Variants in SNTB2 observed in about 807,000 individuals in gnomAD.
SNTB2 encodes the protein beta-2-syntrophin.
A neutral mutation model predicts 46.2 loss-of-function variants in SNTB2; 34 were observed. That is an observed-to-expected ratio of 0.74 (90% confidence interval 0.56 to 0.98). The LOEUF is 0.98. Among genes scored for constraint, SNTB2 ranks in the 50% least tolerant of loss-of-function variants. The pLI is 0.00. For synonymous variants in SNTB2, 290 were observed against 312.6 expected (o/e 0.93, Z 0.76); for missense variants, 603 against 731.4 (o/e 0.82, Z 2.02).
intron 5 of SNTB2, among the ~76,000 whole-genome samples, chr16:69,284,772 T>TCAAAAACAAACAAACAAA (rs1213280413): frequency 6.6e-6 from 1 of 151,996 alleles, no homozygotes; most frequent in Non-Finnish European, 1.5e-5. Flanking sequence ...AGACTCCGTC[T>TCAAAAACAAACAAACAAA]CAAAAACAAA....
At chr16:69,239,348 C>T (rs1269412288) in intron 1 of SNTB2, among the ~76,000 whole-genome samples, 4 of 152,112 alleles carry the variant, frequency 2.6e-5, no homozygotes, top group Non-Finnish European at 5.9e-5. Flanking sequence ...AATTATCATA[C>T]TGTACAATTG....
intron 2 of SNTB2, 151 bp from the exon 3 acceptor site, chr16:69,259,899 C>G (rs1005997613): frequency 2.9e-6 from 2 of 685,318 alleles, no homozygotes; most frequent in Non-Finnish European, 5.0e-6. Flanking sequence ...CATGAGCCAC[C>G]GTGCCCAGCC....
At chr16:69,249,597 A>G (rs1011105156) in intron 2 of SNTB2, among the ~76,000 whole-genome samples, 28 of 152,282 alleles carry the variant, frequency 1.8e-4, no homozygotes, top group African/African-American at 6.7e-4. Flanking sequence ...ACATTTCGTG[A>G]TGGTCAGATG....
At chr16:69,247,592 G>T (rs1964683095) in intron 2 of SNTB2, among the ~76,000 whole-genome samples, 1 of 152,078 alleles carries the variant, frequency 6.6e-6, no homozygotes, top group South Asian at 2.1e-4. Flanking sequence ...TGGTTTGCTG[G>T]AATGAACTGA....
At chr16:69,279,813 C>T (rs377033476) in intron 4 of SNTB2, among the ~76,000 whole-genome samples, 7 of 149,518 alleles carry the variant, frequency 4.7e-5, no homozygotes, top group East Asian at 2.0e-4. Flanking sequence ...CAGGTGTGAG[C>T]CACCACGCCT....
At chr16:69,292,354 T>TTATATATATA (rs1166147915) in intron 5 of SNTB2, among the ~76,000 whole-genome samples, 1 of 36,298 alleles carries the variant, frequency 2.8e-5, no homozygotes, top group Non-Finnish European at 4.6e-5. Flanking sequence ...ACCTTATTTT[T>TTATATATATA]TATATATATA....
chr16:69,251,022 A>G (rs1256774046), intron 2 of SNTB2, among the ~76,000 whole-genome samples: 1 of 135,710 alleles, frequency 7.4e-6, no homozygotes, highest in Non-Finnish European at 1.6e-5. Context: ...TCTGTCGCCC[A>G]GGCTGGAGTG....
chr16:69,272,450 G>T (rs1964946305), intron 4 of SNTB2, among the ~76,000 whole-genome samples: 1 of 149,106 alleles, frequency 6.7e-6, no homozygotes, highest in South Asian at 2.1e-4. Context: ...TGAGGCAGAA[G>T]AATTGCCTGG....
intron 1 of SNTB2, among the ~76,000 whole-genome samples, chr16:69,224,583 T>C (rs911704877): frequency 3.3e-5 from 5 of 152,204 alleles, no homozygotes; most frequent in Non-Finnish European, 7.3e-5. Flanking sequence ...TTTTGCCCAG[T>C]AATTTTAGCA....
intron 5 of SNTB2, among the ~76,000 whole-genome samples, chr16:69,296,137 C>A (rs956960818): frequency 2.6e-4 from 40 of 151,888 alleles, no homozygotes; most frequent in African/African-American, 9.7e-4. Flanking sequence ...AAAAATTAGC[C>A]AGGCGTGGTG....
At chr16:69,272,539 CAAAAAAAAAAA>C (rs556616496) in intron 4 of SNTB2, among the ~76,000 whole-genome samples, 1 of 58,162 alleles carries the variant, frequency 1.7e-5, no homozygotes, top group Non-Finnish European at 3.7e-5. Flanking sequence ...GACTCTGTCT[CAAAAAAAAAAA>C]AAAAAAAAGA....
chr16:69,227,092 A>G (rs1478754988), intron 1 of SNTB2, among the ~76,000 whole-genome samples: 1 of 152,236 alleles, frequency 6.6e-6, no homozygotes, highest in Non-Finnish European at 1.5e-5. Context: ...TTATTCAAAC[A>G]GTTGCAAGAA....
chr16:69,266,781 A>G (rs1313692315), intron 3 of SNTB2, among the ~76,000 whole-genome samples: 2 of 152,218 alleles, frequency 1.3e-5, no homozygotes, highest in South Asian at 2.1e-4. Context: ...CAGTAGTACA[A>G]TCTCAGCTCA....
At chr16:69,202,444 C>G (rs1353180149) in intron 1 of SNTB2, among the ~76,000 whole-genome samples, 2 of 151,972 alleles carry the variant, frequency 1.3e-5, no homozygotes, top group African/African-American at 4.8e-5. Flanking sequence ...ACTCTGTTAC[C>G]CAGGCTGGAA....
At chr16:69,266,677 T>C (rs1964888504) in intron 3 of SNTB2, among the ~76,000 whole-genome samples, 1 of 152,010 alleles carries the variant, frequency 6.6e-6, no homozygotes, top group Non-Finnish European at 1.5e-5. Flanking sequence ...CCTTCAAAAA[T>C]CTCTCTCTTA....
At position 69,270,239 on chromosome 16, in the gene SNTB2, G is replaced by A. The variant is rs1260075205; in HGVS notation, c.1102G>A (p.Asp368Asn). The A allele has an allele frequency of 1.9e-6, 3 of 1,613,994 alleles. No individual in the cohort carries two copies. In the Admixed American group the frequency reaches 5.0e-5, roughly 27 times the overall value. The change falls in exon 4 of 7, where the codon GAT (aspartate) becomes AAT (asparagine). Residue 368 changes from aspartate (D) to asparagine (N), a missense_variant. This residue lies in a region of SNTB2 where 537 missense variants were observed against 692.4 expected (regional missense o/e 0.78). Coordinates refer to ENST00000336278, the MANE Select transcript of SNTB2 (RefSeq NM_006750.4). Reference protein sequence around the residue: ...LLYDCMPWTRDAWASPCHSYP... With the variant: ...LLYDCMPWTRNAWASPCHSYP... ...CTATGACTGTATGCCGTGGACAAGA[G>A]ATGCCTGGGCGTCACCATGCCACAG...
chr16:69,193,927 A>T (rs1381989630), intron 1 of SNTB2, among the ~76,000 whole-genome samples: 8 of 152,154 alleles, frequency 5.3e-5, no homozygotes, highest in Non-Finnish European at 2.9e-5. Context: ...CAACAGCTTT[A>T]TTCTAGTCCT....
At chr16:69,297,688 G>A (rs1965241066) in intron 5 of SNTB2, among the ~76,000 whole-genome samples, 1 of 151,908 alleles carries the variant, frequency 6.6e-6, no homozygotes, top group Non-Finnish European at 1.5e-5. Flanking sequence ...GAGGTGGATG[G>A]ATCCCTTGCA....
intron 1 of SNTB2, among the ~76,000 whole-genome samples, chr16:69,215,498 A>G (rs1450387415): frequency 6.6e-6 from 1 of 152,182 alleles, no homozygotes. Flanking sequence ...TACTGAGATA[A>G]TGTTTGTTTA....
Sources: gnomAD v4.1 joint callset for allele counts (sites outside exome capture counted in the v4.1 genomes callset) on GRCh38, gnomAD v4.1.1 for gene constraint, gnomAD v4.1.1 regional missense constraint, MANE v1.5 for transcripts, NCBI Gene and HGNC (gene_info 2026-07-23, HGNC 2026-07-21) for gene names.